RANBP2: variants seen among roughly 807,000 people sequenced by gnomAD.
The protein encoded by RANBP2 is RAN binding protein 2, also known as E3 SUMO-protein ligase RanBP2.
A neutral mutation model predicts 303.6 loss-of-function variants in RANBP2; 57 were observed. That is an observed-to-expected ratio of 0.19 (90% CI 0.15 to 0.23). The LOEUF is 0.23. Ranked by LOEUF, RANBP2 falls within the 10% of genes least tolerant of loss-of-function variation. The probability of loss-of-function intolerance (pLI) is 1.00; values close to 1 mark genes in which losing one functional copy is unlikely to be tolerated. For synonymous variants in RANBP2, 1,167 were observed against 1,301.5 expected (o/e 0.90, Z 2.23); for missense variants, 3,138 against 3,780.8 (o/e 0.83, Z 4.46).
chr2:108,979,080 G>A, the RANBP2 span, among the ~76,000 whole-genome samples: 1 of 152,198 alleles, frequency 6.6e-6, no homozygotes, highest in South Asian at 2.1e-4. Flanking sequence ...CAGTGTTGTG[G>A]AAAACCAGAT....
the RANBP2 span, among the ~76,000 whole-genome samples, chr2:108,879,194 A>G: frequency 2.0e-5 from 3 of 151,858 alleles, no homozygotes; most frequent in Non-Finnish European, 2.9e-5. Flanking sequence ...CTGGTCTTGA[A>G]CTCCTGAGCT....
At chr2:109,580,349 C>CAAAAAAAAA in the RANBP2 span, among the ~76,000 whole-genome samples, 2 of 135,922 alleles carry the variant, frequency 1.5e-5, no homozygotes, top group Non-Finnish European at 1.6e-5. Flanking sequence ...CCATAAAATG[C>CAAAAAAAAA]AAAAAAAAAA....
At chr2:109,739,844 C>T in the RANBP2 span, among the ~76,000 whole-genome samples, 1 of 149,916 alleles carries the variant, frequency 6.7e-6, no homozygotes, top group Non-Finnish European at 1.5e-5. Context: ...CAGTACAATA[C>T]TAGCTGTGAG....
chr2:109,376,002 G>T, the RANBP2 span, among the ~76,000 whole-genome samples: 953 of 152,364 alleles, frequency 6.3e-3, 9 homozygotes, highest in East Asian at 0.046. Context: ...TCAAACAAGG[G>T]CAGTGGCAGA....
At chr2:109,705,901 C>A in the RANBP2 span, among the ~76,000 whole-genome samples, 2 of 152,110 alleles carry the variant, frequency 1.3e-5, no homozygotes, top group African/African-American at 4.8e-5. Flanking sequence ...TGATCTCAGC[C>A]CCCCACAAAA....
the RANBP2 span, among the ~76,000 whole-genome samples, chr2:109,400,712 A>G: frequency 1.3e-5 from 2 of 152,118 alleles, no homozygotes; most frequent in South Asian, 2.1e-4. Flanking sequence ...ATATGTGTGC[A>G]CACACACAAA....
chr2:109,601,827 C>T, the RANBP2 span, among the ~76,000 whole-genome samples: 8 of 151,130 alleles, frequency 5.3e-5, no homozygotes, highest in African/African-American at 1.2e-4. Flanking sequence ...TTTTCTAATA[C>T]TCTACAAGTT....
the RANBP2 span, among the ~76,000 whole-genome samples, chr2:109,598,341 T>G: frequency 6.6e-6 from 1 of 152,088 alleles, no homozygotes; most frequent in Non-Finnish European, 1.5e-5. Context: ...GTGCTGGGAT[T>G]ATAGGCGTGA....
the RANBP2 span, among the ~76,000 whole-genome samples, chr2:109,195,918 A>G: frequency 6.6e-6 from 1 of 152,172 alleles, no homozygotes; most frequent in Non-Finnish European, 1.5e-5. Flanking sequence ...TTATCTCATT[A>G]CTGACTGAGC....
chr2:109,615,403 G>T, the RANBP2 span: 1 of 1,613,062 alleles, frequency 6.2e-7, no homozygotes, highest in Admixed American at 1.7e-5. Context: ...GGCTTCACTT[G>T]CCTGCACTGG....
the RANBP2 span, among the ~76,000 whole-genome samples, chr2:109,414,484 A>G: frequency 3.9e-5 from 6 of 152,170 alleles, no homozygotes; most frequent in Non-Finnish European, 8.8e-5. Flanking sequence ...GCAGAAGTTC[A>G]TGACCCTCAA....
chr2:109,380,871 C>A, the RANBP2 span, among the ~76,000 whole-genome samples: 47 of 152,344 alleles, frequency 3.1e-4, no homozygotes, highest in African/African-American at 1.1e-3. Context: ...TAATTCAGGG[C>A]CTTTGGAGGC....
the RANBP2 span, among the ~76,000 whole-genome samples, chr2:109,410,725 G>A: frequency 2.6e-5 from 4 of 152,186 alleles, no homozygotes; most frequent in African/African-American, 9.7e-5. Flanking sequence ...ATCCATTATG[G>A]AGCCTTTTAA....
At chr2:108,754,739 AAAAG>A (rs1357242448) in intron 15 of RANBP2, among the ~76,000 whole-genome samples, 162 bp from the exon 16 acceptor site, 5 of 149,062 alleles carry the variant, frequency 3.4e-5, no homozygotes, top group Non-Finnish European at 2.9e-5. Context: ...AAACAACAGA[AAAAG>A]AAAAAAGATA....
At chr2:109,146,041 T>C in the RANBP2 span, among the ~76,000 whole-genome samples, 11 of 132,682 alleles carry the variant, frequency 8.3e-5, no homozygotes, top group Admixed American at 3.6e-4. Context: ...ACGGAGTCCA[T>C]GCGGGCCGAG....
the RANBP2 span, among the ~76,000 whole-genome samples, chr2:109,506,058 C>T: frequency 1.3e-5 from 2 of 152,198 alleles, no homozygotes; most frequent in South Asian, 4.1e-4. Context: ...CCTAAGCAAA[C>T]AAGTAATTTG....
chr2:109,171,946 C>T, the RANBP2 span, among the ~76,000 whole-genome samples: 2 of 152,218 alleles, frequency 1.3e-5, no homozygotes, highest in Non-Finnish European at 2.9e-5. Context: ...TCCCTCCTTT[C>T]GCTGTGGTGA....
At chr2:109,689,351 C>T in the RANBP2 span, among the ~76,000 whole-genome samples, 2 of 152,106 alleles carry the variant, frequency 1.3e-5, no homozygotes, top group South Asian at 4.1e-4. Flanking sequence ...AATAGGTGCA[C>T]ATAGGTTGGG....
chr2:109,385,246 T>G, the RANBP2 span, among the ~76,000 whole-genome samples: 1 of 152,156 alleles, frequency 6.6e-6, no homozygotes, highest in Non-Finnish European at 1.5e-5. Flanking sequence ...CTTAGGAGGA[T>G]TAAATTGGAG....
Sources: gnomAD v4.1 joint callset for allele counts (sites outside exome capture counted in the v4.1 genomes callset) on GRCh38, gnomAD v4.1.1 for gene constraint, MANE v1.5 for transcripts, NCBI Gene and HGNC (gene_info 2026-07-23, HGNC 2026-07-21) for gene names.